Variants in NHSL3 observed in about 807,000 individuals in gnomAD.
NHSL3 encodes the protein NHS like 3.
the NHSL3 span, chr1:32,770,505 G>A: frequency 7.8e-5 from 122 of 1,564,148 alleles, no homozygotes; most frequent in Middle Eastern, 5.1e-4. The surrounding 1 kb of genome is among the most constrained non-coding windows in gnomAD (Gnocchi z 8.3). Context: ...AGGGCCAGCC[G>A]GAGAGCTCTA....
chr1:32,761,284 C>T, the NHSL3 span, among the ~76,000 whole-genome samples: 1 of 152,138 alleles, frequency 6.6e-6, no homozygotes, highest in Non-Finnish European at 1.5e-5. Context: ...GGTTGCTGAG[C>T]CCCTCCCCAA....
the NHSL3 span, among the ~76,000 whole-genome samples, chr1:32,762,563 A>T: frequency 6.6e-6 from 1 of 151,782 alleles, no homozygotes; most frequent in African/African-American, 2.4e-5. Flanking sequence ...CCTGGGCTCA[A>T]GCCCAGCCTC....
the NHSL3 span, among the ~76,000 whole-genome samples, chr1:32,747,420 G>T: frequency 1.3e-5 from 2 of 151,944 alleles, no homozygotes; most frequent in Non-Finnish European, 2.9e-5. Flanking sequence ...TGATCCGCCC[G>T]CCTTGGCATC....
the NHSL3 span, chr1:32,771,916 C>A: frequency 6.3e-7 from 1 of 1,594,486 alleles, no homozygotes; most frequent in Admixed American, 1.7e-5. Flanking sequence ...GAAACCACTG[C>A]GAAGGGCCCT....
the NHSL3 span, among the ~76,000 whole-genome samples, chr1:32,752,100 G>C: frequency 6.6e-6 from 1 of 152,118 alleles, no homozygotes; most frequent in Non-Finnish European, 1.5e-5. Flanking sequence ...TTTCAGCTTT[G>C]ACACTAGGAC....
At chr1:32,745,347 C>G in the NHSL3 span, among the ~76,000 whole-genome samples, 1 of 151,656 alleles carries the variant, frequency 6.6e-6, no homozygotes, top group Non-Finnish European at 1.5e-5. Context: ...GTCATGAGGT[C>G]GCGAGTTTAA....
chr1:32,766,395 G>C, the NHSL3 span, among the ~76,000 whole-genome samples: 3 of 152,124 alleles, frequency 2.0e-5, no homozygotes, highest in Admixed American at 2.0e-4. Context: ...AGTGTGATCC[G>C]GGAGTCCCCT....
At chr1:32,765,652 G>C in the NHSL3 span, 1 of 1,531,434 alleles carries the variant, frequency 6.5e-7, no homozygotes, top group Non-Finnish European at 8.7e-7. Flanking sequence ...CCGGTGCTCT[G>C]CGGCGGGGCG....
At chr1:32,769,499 A>G in the NHSL3 span, among the ~76,000 whole-genome samples, 1 of 152,250 alleles carries the variant, frequency 6.6e-6, no homozygotes. Flanking sequence ...TCATTGACTT[A>G]GTAGCCTTAG....
chr1:32,768,019 A>C, the NHSL3 span: 1 of 1,612,776 alleles, frequency 6.2e-7, no homozygotes, highest in East Asian at 2.2e-5. Context: ...TCAGCTGTCA[A>C]GGTCAGGGGC....
the NHSL3 span, among the ~76,000 whole-genome samples, chr1:32,765,463 T>C: frequency 2.6e-4 from 40 of 152,182 alleles, no homozygotes; most frequent in Non-Finnish European, 4.1e-4. Context: ...CTGGATTGAG[T>C]ATCTTCGGTC....
chr1:32,768,863 C>G, the NHSL3 span: 78 of 1,475,756 alleles, frequency 5.3e-5, no homozygotes, highest in African/African-American at 1.1e-3. Context: ...AGTGTTTCAC[C>G]AGGCTCTCTG....
the NHSL3 span, among the ~76,000 whole-genome samples, chr1:32,760,091 C>CGAAGTGGA: frequency 6.6e-6 from 1 of 152,198 alleles, no homozygotes; most frequent in Non-Finnish European, 1.5e-5. Context: ...CGTTTGTCCA[C>CGAAGTGGA]CTGTGCAGTG....
the NHSL3 span, chr1:32,769,650 T>C: frequency 6.3e-7 from 1 of 1,583,884 alleles, no homozygotes; most frequent in Non-Finnish European, 8.6e-7. Flanking sequence ...TCTAACAGTT[T>C]TTCTCCCACG....
At chr1:32,766,486 C>T in the NHSL3 span, among the ~76,000 whole-genome samples, 3 of 152,030 alleles carry the variant, frequency 2.0e-5, no homozygotes, top group African/African-American at 7.3e-5. Context: ...CCCTTTGAAC[C>T]GTTTCCCCAC....
chr1:32,772,259 G>A, the NHSL3 span: 22 of 1,601,960 alleles, frequency 1.4e-5, no homozygotes, highest in African/African-American at 6.7e-5. Context: ...CCTGTGGCCC[G>A]CAAGCCGTCT....
chr1:32,763,928 A>G, the NHSL3 span, among the ~76,000 whole-genome samples: 1 of 151,804 alleles, frequency 6.6e-6, no homozygotes, highest in African/African-American at 2.4e-5. Flanking sequence ...TGGCTCAAAC[A>G]TGGCTCACGG....
chr1:32,772,437 C>T, the NHSL3 span: 1 of 1,521,166 alleles, frequency 6.6e-7, no homozygotes, highest in Non-Finnish European at 8.8e-7. Context: ...GCCTCCCGGG[C>T]TCAGGTACAG....
chr1:32,763,449 C>T, the NHSL3 span, among the ~76,000 whole-genome samples: 2 of 152,222 alleles, frequency 1.3e-5, no homozygotes, highest in African/African-American at 4.8e-5. Context: ...ATCCACCACT[C>T]CTGCCTCAAG....
Sources: gnomAD v4.1 joint callset for allele counts (sites outside exome capture counted in the v4.1 genomes callset) on GRCh38, gnomAD v4.1.1 for gene constraint, Gnocchi (gnomAD v3.1) non-coding constraint, MANE v1.5 for transcripts, NCBI Gene and HGNC (gene_info 2026-07-23, HGNC 2026-07-21) for gene names.